The following PDE4D variants were observed in gnomAD, a reference collection of about 807,000 sequenced individuals.
PDE4D encodes the protein 3',5'-cyclic-AMP phosphodiesterase 4D.
Under a neutral mutation model 87.4 loss-of-function variants are expected in PDE4D, and 24 were observed. The ratio of observed to expected loss-of-function variants is 0.27; its 90% CI spans 0.20 to 0.39. The LOEUF is 0.39. PDE4D is among the 10% of genes least tolerant of loss of function. The pLI, the probability that PDE4D is intolerant of heterozygous loss-of-function variation, is 1.00. For missense variants in PDE4D, 714 were observed against 1,041.0 expected, an observed-to-expected ratio of 0.69 and a Z score of 4.32; for synonymous variants, 384 against 383.2, an observed-to-expected ratio of 1.00 and a Z score of -0.02.
chr5:59,516,121 G>A (rs1253065278), intron 1 of PDE4D, among the ~76,000 whole-genome samples: 2 of 152,146 alleles, frequency 1.3e-5, no homozygotes, highest in Non-Finnish European at 2.9e-5. Flanking sequence ...ATTACTAGAT[G>A]TAAAATAATT....
intron 2 of PDE4D, among the ~76,000 whole-genome samples, chr5:60,000,277 A>T (rs1339323405): frequency 2.0e-5 from 3 of 152,186 alleles, no homozygotes; most frequent in African/African-American, 7.2e-5. Flanking sequence ...ACATACCAAC[A>T]TAAATTATAA....
chr5:60,147,633 C>G (rs1781124878), intron 2 of PDE4D: 1 of 304,058 alleles, frequency 3.3e-6, no homozygotes, highest in African/African-American at 2.2e-5. Flanking sequence ...TTCTAAGGAT[C>G]AAGAATTCAG....
rs919990258 is a variant in PDE4D at position 58,970,664 on chromosome 5, A to G, written c.*4000T>C. On this transcript the variant is annotated 3_prime_UTR_variant, in exon 15 of 15. Coordinates refer to ENST00000340635, the MANE Select transcript of PDE4D (RefSeq NM_001104631.2). The stretch of plus-strand genomic sequence containing the variant: ...TAGATGGGTTTACATATATGTAAGG[A>G]CATTTGGTTTATCTTAGTGGAAGAA... The G allele has an allele frequency of 1.3e-5, 2 of 152,156 alleles. No homozygotes were observed. Among genetic ancestry groups the G allele is most frequent in the Admixed American group, 1.3e-4 (2 of 15,264 alleles). 9.4% of individuals were successfully genotyped at this position (152,156 alleles called of 1,614,324 possible).
At chr5:60,332,509 A>G (rs947189627) in intron 1 of PDE4D, among the ~76,000 whole-genome samples, 11 of 152,234 alleles carry the variant, frequency 7.2e-5, no homozygotes, top group African/African-American at 2.7e-4. Flanking sequence ...GCTGCTACAA[A>G]GGACATGATT....
intron 1 of PDE4D, among the ~76,000 whole-genome samples, chr5:60,229,943 T>A (rs1003906056): frequency 2.6e-5 from 4 of 152,132 alleles, no homozygotes; most frequent in Non-Finnish European, 5.9e-5. Context: ...TTCATTCTAA[T>A]GGCAGTTTAG....
chr5:59,800,902 C>CA (rs1417410135), intron 1 of PDE4D, among the ~76,000 whole-genome samples: 1 of 152,168 alleles, frequency 6.6e-6, no homozygotes, highest in Admixed American at 6.5e-5. Context: ...ATGTGCCATA[C>CA]AAAATTGCTA....
intron 5 of PDE4D, among the ~76,000 whole-genome samples, chr5:59,139,373 C>T (rs143885029): frequency 1.1e-3 from 161 of 152,284 alleles, no homozygotes; most frequent in African/African-American, 3.6e-3. Flanking sequence ...CCAGGTGTAT[C>T]TAATACCAAA....
At chr5:59,659,412 C>A (rs923150910) in intron 1 of PDE4D, among the ~76,000 whole-genome samples, 1 of 152,200 alleles carries the variant, frequency 6.6e-6, no homozygotes, top group Admixed American at 6.5e-5. Flanking sequence ...TAAAGAGAAA[C>A]AACCAACTGC....
intron 1 of PDE4D, among the ~76,000 whole-genome samples, chr5:60,461,756 A>T (rs774683905): frequency 1.3e-5 from 2 of 152,208 alleles, no homozygotes; most frequent in Non-Finnish European, 2.9e-5. Context: ...CCTTTGGTTG[A>T]CTTTAAAAAC....
rs115979629 is a variant in PDE4D, at chr5:59,446,380, A to T, written c.456-230412T>A. Among the ~76,000 whole-genome samples, 788 of 152,300 alleles carry T rather than the reference A, an allele frequency of 5.2e-3. 11 individuals carry two copies. The highest frequency in any genetic ancestry group is 0.017 in the African/African-American group (705 of 41,568). ...AAAAAATATAGTGAATTCTATTAGG[A>T]TTAAAGACATTTTTGACATTCTCTT... is the stretch of plus-strand genomic sequence containing the variant. On this transcript the variant is annotated intron_variant, in intron 1 of 14. Transcript: ENST00000340635.
intron 1 of PDE4D, among the ~76,000 whole-genome samples, chr5:59,859,526 C>T (rs926285457): frequency 5.3e-5 from 8 of 152,146 alleles, no homozygotes; most frequent in African/African-American, 1.4e-4. Flanking sequence ...CAACATGTGT[C>T]ATTTGTCTTT....
intron 3 of PDE4D, among the ~76,000 whole-genome samples, chr5:59,922,762 G>A (rs1754809252): frequency 6.6e-6 from 1 of 151,980 alleles, no homozygotes; most frequent in Non-Finnish European, 1.5e-5. Context: ...CTTCAGGTGT[G>A]ACCCAGAACA....
At chr5:59,448,256 G>A (rs1349329665) in intron 1 of PDE4D, among the ~76,000 whole-genome samples, 1 of 152,112 alleles carries the variant, frequency 6.6e-6, no homozygotes, top group Admixed American at 6.5e-5. Context: ...GCCAAGTGAG[G>A]TGGGACTCTC....
At chr5:60,109,694 A>G (rs1329907812) in intron 2 of PDE4D, among the ~76,000 whole-genome samples, 1 of 152,226 alleles carries the variant, frequency 6.6e-6, no homozygotes, top group African/African-American at 2.4e-5. Flanking sequence ...AAAAATGATG[A>G]GTTCACGTCC....
At chr5:59,292,765 AG>A (rs1768283385) in intron 1 of PDE4D, among the ~76,000 whole-genome samples, 1 of 152,124 alleles carries the variant, frequency 6.6e-6, no homozygotes, top group South Asian at 2.1e-4. Flanking sequence ...ATGGTTTCAT[AG>A]CCCCATGAGA....
rs371523780 is a variant in PDE4D, at chr5:60,027,742, A to C, written c.43-39025T>G. Among the ~76,000 whole-genome samples, 86 of 152,346 alleles carry C rather than the reference A, an allele frequency of 5.6e-4. 3 individuals carry two copies. The highest frequency in any genetic ancestry group is 1.9e-3 in the African/African-American group (81 of 41,578). ...TTGTTGATTAAATAAATGAATCTCA[A>C]TACAGCAAAACCTTGTCCATTAGTG... On this transcript the variant is annotated intron_variant, in intron 2 of 16. Transcript: ENST00000502484.
chr5:60,323,970 G>T (rs2149847672), intron 1 of PDE4D, among the ~76,000 whole-genome samples: 1 of 152,024 alleles, frequency 6.6e-6, no homozygotes, highest in East Asian at 1.9e-4. Flanking sequence ...ATTTCCTCTG[G>T]TAGCACCATG....
At chr5:59,376,346 T>C (rs1424460610) in intron 1 of PDE4D, among the ~76,000 whole-genome samples, 2 of 152,104 alleles carry the variant, frequency 1.3e-5, no homozygotes, top group Admixed American at 6.6e-5. Context: ...TTTCAGGATA[T>C]GAAATTAATG....
intron 1 of PDE4D, among the ~76,000 whole-genome samples, chr5:59,482,410 T>C (rs1339236643): frequency 2.6e-5 from 4 of 152,172 alleles, no homozygotes; most frequent in Non-Finnish European, 2.9e-5. Context: ...AATACTGCCT[T>C]TAAAATGACC....
Sources: allele counts gnomAD v4.1 joint callset (sites outside exome capture counted in the v4.1 genomes callset), GRCh38; gene constraint gnomAD v4.1.1; transcripts MANE v1.5; gene names NCBI Gene and HGNC (gene_info 2026-07-23, HGNC 2026-07-21).